The following GMCL1 variants were observed in gnomAD, a reference collection of about 807,000 sequenced individuals.
GMCL1 encodes germ cell-less protein-like 1.
GMCL1 carries 54 observed loss-of-function variants against 75.5 expected under a neutral mutation model. The observed-to-expected ratio is 0.71, with a 90% CI of 0.57 to 0.90. The LOEUF is 0.90. Ranked by LOEUF, GMCL1 falls within the 40% of genes least tolerant of loss-of-function variation. The pLI is 0.00. For missense variants in GMCL1, 537 were observed against 622.7 expected (o/e 0.86, Z 1.47); for synonymous variants, 210 against 209.6 (o/e 1.00, Z -0.02).
intron 6 of GMCL1, among the ~76,000 whole-genome samples, chr2:69,845,137 G>A (rs923061221): frequency 6.6e-6 from 1 of 152,180 alleles, no homozygotes; most frequent in Non-Finnish European, 1.5e-5. Flanking sequence ...AAAAAAACCT[G>A]TTAGCGCCAC....
intron 1 of GMCL1, among the ~76,000 whole-genome samples, chr2:69,835,112 C>G (rs1012780308): frequency 1.1e-4 from 16 of 152,116 alleles, no homozygotes; most frequent in African/African-American, 3.9e-4. Context: ...AGAAGAGGTA[C>G]CTTGGAAATA....
chr2:69,858,187 G>A (rs1376041561), intron 9 of GMCL1, among the ~76,000 whole-genome samples: 1 of 152,056 alleles, frequency 6.6e-6, no homozygotes, highest in African/African-American at 2.4e-5. Flanking sequence ...GCTGGGGAGG[G>A]GCAGGTGGGT....
chr2:69,862,092 T>G (rs946547117), intron 10 of GMCL1, among the ~76,000 whole-genome samples: 1 of 152,214 alleles, frequency 6.6e-6, no homozygotes, highest in Non-Finnish European at 1.5e-5. Context: ...CACAAAACAT[T>G]AATCCTCTTT....
intron 6 of GMCL1, 135 bp downstream of exon 6, chr2:69,844,331 A>G (rs969559124): frequency 3.8e-6 from 2 of 520,798 alleles, no homozygotes; most frequent in African/African-American, 2.0e-5. Flanking sequence ...GGGCTTGACT[A>G]CATCCATAAA....
chr2:69,839,439 C>CTT lies in GMCL1; in HGVS notation c.385-9_385-8dup, dbSNP rs3832156. On this transcript the variant is annotated splice_polypyrimidine_tract_variant and intron_variant, in intron 2 of 13. Coordinates refer to ENST00000282570, the MANE Select transcript of GMCL1 (RefSeq NM_178439.5). ...ACAGAAAGTACTTGATAATCGTTGA[C>CTT]TTTTTTTTTTGTTTAAGTCTGGCTA... is the stretch of plus-strand genomic sequence containing the variant. The CTT allele has an allele frequency of 0.18, 239,451 of 1,320,582 alleles. 9,808 individuals carry two copies. Among genetic ancestry groups the CTT allele is most frequent in the African/African-American group, 0.25 (16,491 of 66,950 alleles). 81.8% of individuals were successfully genotyped at this position (1,320,582 alleles called of 1,614,324 possible).
At chr2:69,870,635 A>G (rs1675956595) in intron 12 of GMCL1, among the ~76,000 whole-genome samples, 1 of 152,234 alleles carries the variant, frequency 6.6e-6, no homozygotes, top group East Asian at 1.9e-4. Flanking sequence ...TACCCAGAAT[A>G]TATAGAAAAC....
intron 13 of GMCL1, among the ~76,000 whole-genome samples, chr2:69,872,622 T>A (rs1195815871): frequency 6.6e-6 from 1 of 152,178 alleles, no homozygotes; most frequent in East Asian, 1.9e-4. Flanking sequence ...TATGAGAACT[T>A]CTTTTAACAG....
intron 8 of GMCL1, among the ~76,000 whole-genome samples, chr2:69,850,598 C>A (rs1675290727): frequency 6.6e-6 from 1 of 152,138 alleles, no homozygotes; most frequent in Admixed American, 6.5e-5. Flanking sequence ...CTTTTCCTAA[C>A]CACTATCTTG....
At chr2:69,840,893 G>T in intron 3 of GMCL1, 49 bp from the exon 4 acceptor site, 3 of 1,258,824 alleles carry the variant, frequency 2.4e-6, no homozygotes, top group Non-Finnish European at 3.5e-6. Context: ...TATAACACTT[G>T]TAATAGATAT....
At position 69,829,803 on chromosome 2, in the gene GMCL1, C is replaced by T. The variant is rs1432312644; in HGVS notation, c.-90C>T. On this transcript the variant is annotated 5_prime_UTR_variant, in exon 1 of 14. Transcript: ENST00000282570. ...CGTGAGAAGGTGGCGGTGTAGGCAC[C>T]TGCGCTCGGGGAAGGCTGGCGGCGG... 1.4e-6 allele frequency: 2 copies of T among 1,404,272 alleles called. No individual in the cohort carries two copies. Among genetic ancestry groups the T allele is most frequent in the Non-Finnish European group, 1.9e-6 (2 of 1,066,722 alleles). 87.0% of individuals were successfully genotyped at this position (1,404,272 alleles called of 1,614,324 possible). A position where few individuals can be genotyped will look rare whatever the true frequency, so the allele number is the denominator to read the frequency against.
chr2:69,860,366 ATATT>A (rs1675606807), intron 9 of GMCL1, among the ~76,000 whole-genome samples: 1 of 152,100 alleles, frequency 6.6e-6, no homozygotes, highest in African/African-American at 2.4e-5. Context: ...TGTGGGAAAA[ATATT>A]TATTATTAAA....
At chr2:69,835,336 TATA>T (rs1674788574) in intron 1 of GMCL1, among the ~76,000 whole-genome samples, 3 of 152,158 alleles carry the variant, frequency 2.0e-5, no homozygotes. Flanking sequence ...ATGGGGTAAA[TATA>T]ATAATCTCAG....
At chr2:69,876,251 A>G (rs1304531025) in intron 13 of GMCL1, among the ~76,000 whole-genome samples, 6 of 152,250 alleles carry the variant, frequency 3.9e-5, no homozygotes, top group African/African-American at 1.2e-4. Context: ...TAAAGAATGT[A>G]GCAATGAAGA....
intron 7 of GMCL1, 29 bp from the exon 8 acceptor site, chr2:69,849,623 G>C (rs771703908): frequency 7.6e-7 from 1 of 1,322,396 alleles, no homozygotes; most frequent in Admixed American, 2.2e-5. Flanking sequence ...TTTCATAATT[G>C]TTTTCTTATT....
chr2:69,879,074 A>G lies in GMCL1; in HGVS notation c.*70A>G. On this transcript the variant is annotated 3_prime_UTR_variant, in exon 14 of 14. Transcript: ENST00000282570. ...AGTTGGAAACAGTAGCACTTTGAAA[A>G]CTTTTTAGGCCAGCTTTAATTTAAT... 1 of 939,530 alleles carries G rather than the reference A, an allele frequency of 1.1e-6. No homozygotes were observed. The highest frequency in any genetic ancestry group is 1.7e-6 in the Non-Finnish European group (1 of 590,066). The allele number at this position is 939,530 out of a possible 1,614,324, so 58.2% of individuals were successfully genotyped here.
Position 69,829,797 on chromosome 2 carries a change from A to AG in GMCL1, c.-94dup. The AG allele has an allele frequency of 7.5e-7, 1 of 1,325,372 alleles. No individual in the cohort carries two copies. Among genetic ancestry groups the AG allele is most frequent in the Non-Finnish European group, 1.0e-6 (1 of 996,580 alleles). 82.1% of individuals were successfully genotyped at this position (1,325,372 alleles called of 1,614,324 possible). On this transcript the variant is annotated 5_prime_UTR_variant, in exon 1 of 14. Transcript: ENST00000282570. The stretch of plus-strand genomic sequence containing the variant: ...GCTGCGCGTGAGAAGGTGGCGGTGT[A>AG]GGCACCTGCGCTCGGGGAAGGCTGG...
intron 12 of GMCL1, among the ~76,000 whole-genome samples, chr2:69,871,216 T>A (rs182489637): frequency 6.6e-6 from 1 of 152,276 alleles, no homozygotes; most frequent in African/African-American, 2.4e-5. Flanking sequence ...TTCTCATACA[T>A]GCTAAACATG....
At chr2:69,875,657 C>G (rs1190063374) in intron 13 of GMCL1, among the ~76,000 whole-genome samples, 7 of 151,750 alleles carry the variant, frequency 4.6e-5, no homozygotes, top group Non-Finnish European at 8.8e-5. Flanking sequence ...CCATATTGTT[C>G]CTGTGTATTT....
intron 13 of GMCL1, among the ~76,000 whole-genome samples, chr2:69,875,780 C>T (rs1676113642): frequency 6.6e-6 from 1 of 151,982 alleles, no homozygotes; most frequent in African/African-American, 2.4e-5. Flanking sequence ...CTGCAACCTC[C>T]ACCTCCCGGG....
Sources: gnomAD v4.1 joint callset for allele counts (sites outside exome capture counted in the v4.1 genomes callset) on GRCh38, gnomAD v4.1.1 for gene constraint, MANE v1.5 for transcripts, NCBI Gene and HGNC (gene_info 2026-07-23, HGNC 2026-07-21) for gene names.